FAF1: variants seen among roughly 807,000 people sequenced by gnomAD.
The protein encoded by FAF1 is Fas associated factor 1.
FAF1 carries 25 observed loss-of-function variants against 92.5 expected under a neutral mutation model. The observed-to-expected ratio is 0.27, with a 90% CI of 0.20 to 0.38. The LOEUF (loss-of-function observed/expected upper bound fraction) is 0.38, where lower values mean the gene tolerates loss of function less well. FAF1 is among the 10% of genes least tolerant of loss of function. FAF1 has a pLI of 1.00. For synonymous variants in FAF1, 234 were observed against 273.2 expected (o/e 0.86, Z 1.42); for missense variants, 636 against 793.3 (o/e 0.80, Z 2.38).
At chr1:50,640,167 T>A (rs577715344) in intron 8 of FAF1, among the ~76,000 whole-genome samples, 1 of 152,248 alleles carries the variant, frequency 6.6e-6, no homozygotes, top group African/African-American at 2.4e-5. Flanking sequence ...AATTTTGGTA[T>A]AAATGTAACA....
intron 2 of FAF1, among the ~76,000 whole-genome samples, chr1:50,806,455 C>T (rs531163931): frequency 5.4e-4 from 82 of 152,264 alleles, no homozygotes; most frequent in African/African-American, 1.7e-3. Context: ...AAACATGTGA[C>T]GGAGGCAGCC....
At position 50,860,354 on chromosome 1, in the gene FAF1, CAT is replaced by C. The variant is rs1346112277; in HGVS notation, c.46-2359_46-2358del. Among the ~76,000 whole-genome samples the C allele has an allele frequency of 9.5e-4, 144 of 151,932 alleles. 4 individuals carry two copies. The highest frequency in any genetic ancestry group is 1.3e-4 in the Non-Finnish European group (9 of 67,882). ...TAGGATAAAATATTCACAAACTACA[CAT>C]GTGACAAGATCTAATATCCAGAATC... On this transcript the variant is annotated intron_variant, in intron 1 of 18. Transcript: ENST00000396153.
At chr1:50,679,137 C>CA (rs1656309704) in intron 7 of FAF1, among the ~76,000 whole-genome samples, 1 of 152,154 alleles carries the variant, frequency 6.6e-6, no homozygotes, top group African/African-American at 2.4e-5. Context: ...ATCTACCAAA[C>CA]ATGACAATTA....
At chr1:50,790,419 C>T (rs58432198) in intron 3 of FAF1, among the ~76,000 whole-genome samples, 12,697 of 152,228 alleles carry the variant, frequency 0.083, 640 homozygotes, top group Non-Finnish European at 0.12. Context: ...GGATTACAGG[C>T]GTGAGCCACC....
chr1:50,746,280 ATATATATATATATTTTTTTT>A (rs1659606045), intron 4 of FAF1, among the ~76,000 whole-genome samples: 2 of 18,868 alleles, frequency 1.1e-4, no homozygotes, highest in African/African-American at 2.7e-4. Context: ...ATATATATAT[ATATATATATATATTTTTTTT>A]TTTTTTTTTT....
chr1:50,936,442 G>C (rs1645085883), intron 1 of FAF1, among the ~76,000 whole-genome samples: 2 of 152,190 alleles, frequency 1.3e-5, no homozygotes, highest in South Asian at 2.1e-4. Flanking sequence ...TATGAAGACA[G>C]AGTCAGGCAA....
intron 5 of FAF1, among the ~76,000 whole-genome samples, 182 bp downstream of exon 5, chr1:50,744,502 T>C (rs1172152169): frequency 1.3e-5 from 2 of 152,244 alleles, no homozygotes; most frequent in Non-Finnish European, 2.9e-5. Flanking sequence ...ACAATTGTTA[T>C]TGGTTTATCA....
chr1:50,446,632 T>C (rs920508890), intron 18 of FAF1, among the ~76,000 whole-genome samples: 4 of 152,344 alleles, frequency 2.6e-5, no homozygotes, highest in Middle Eastern at 3.4e-3. Flanking sequence ...TAGCCCTTCA[T>C]AGTTTGTAAC....
At chr1:50,703,133 T>G (rs1657541389) in intron 7 of FAF1, among the ~76,000 whole-genome samples, 4 of 152,102 alleles carry the variant, frequency 2.6e-5, no homozygotes, top group Admixed American at 2.6e-4. Context: ...TGAAAAGAAA[T>G]TCCTGAAACT....
Position 50,519,457 on chromosome 1 carries a change from GGGAA to G in FAF1, c.1494+15908_1494+15911del, listed in dbSNP as rs568388948. 6.1e-3 allele frequency among the ~76,000 whole-genome samples: 903 copies of G among 146,858 alleles called. 8 individuals carry two copies. The highest frequency in any genetic ancestry group is 7.4e-3 in the African/African-American group (295 of 39,668). Reference sequence around the variant, plus strand: ...GAAGGAAGGAGGAGGGAAGGAGGGAGGGAAGGAAGGAAGGAAGGAAGGAAAGAAA... The same window carrying G: ...GAAGGAAGGAGGAGGGAAGGAGGGAGGGAAGGAAGGAAGGAAGGAAAGAAA... On this transcript the variant is annotated intron_variant, in intron 15 of 18. Transcript: ENST00000396153.
At chr1:50,828,559 G>A (rs931160687) in intron 2 of FAF1, among the ~76,000 whole-genome samples, 3 of 152,092 alleles carry the variant, frequency 2.0e-5, no homozygotes, top group East Asian at 3.8e-4. Flanking sequence ...CTGAGCCACC[G>A]CGCCCGGCCA....
rs545393259 is a variant in FAF1, at chr1:50,928,346, G to A, written c.45+31421C>T. ...CTCTTGAGTATATGGAGAAAAGAAC[G>A]TCAAGAATCTATACCTTTGTTTAAA... On this transcript the variant is annotated intron_variant, in intron 1 of 18. Transcript: ENST00000396153. 1.1e-4 allele frequency among the ~76,000 whole-genome samples: 17 copies of A among 152,298 alleles called. No homozygotes were observed. The South Asian group carries it at 2.5e-3, about 22-fold the overall frequency.
intron 12 of FAF1, among the ~76,000 whole-genome samples, chr1:50,581,354 T>C (rs1222831934): frequency 6.6e-6 from 1 of 152,196 alleles, no homozygotes; most frequent in African/African-American, 2.4e-5. Flanking sequence ...GAATTTAACA[T>C]ACTCTAGAAA....
At chr1:50,597,750 A>C (rs937587079) in intron 8 of FAF1, among the ~76,000 whole-genome samples, 6 of 152,202 alleles carry the variant, frequency 3.9e-5, no homozygotes, top group Non-Finnish European at 2.9e-5. Flanking sequence ...TCAATGATTG[A>C]AATATAAGGA....
chr1:50,611,305 C>CAGAAAATTATCATT (rs1553121057), intron 8 of FAF1, among the ~76,000 whole-genome samples: 2 of 151,982 alleles, frequency 1.3e-5, no homozygotes, highest in Non-Finnish European at 2.9e-5. Context: ...ACTTACAAAC[C>CAGAAAATTATCATT]AGAAAATTAT....
At chr1:50,939,602 A>G (rs1041083683) in intron 1 of FAF1, among the ~76,000 whole-genome samples, 1 of 150,592 alleles carries the variant, frequency 6.6e-6, no homozygotes, top group Non-Finnish European at 1.5e-5. Flanking sequence ...ATCTTGTCCC[A>G]GTTCTCAAGG....
chr1:50,637,800 T>G (rs909159593), intron 8 of FAF1, among the ~76,000 whole-genome samples: 1 of 151,772 alleles, frequency 6.6e-6, no homozygotes, highest in African/African-American at 2.4e-5. Flanking sequence ...TATAAGCTTT[T>G]AGTGTCCTCT....
chr1:50,910,945 G>A lies in FAF1; in HGVS notation c.45+48822C>T, dbSNP rs11205790. Among the ~76,000 whole-genome samples the A allele has an allele frequency of 1.0e-2, 1,517 of 152,152 alleles. 24 individuals are homozygous for A. Among genetic ancestry groups the A allele is most frequent in the African/African-American group, 0.035 (1,433 of 41,516 alleles). On this transcript the variant is annotated intron_variant, in intron 1 of 18. Coordinates refer to ENST00000396153, the MANE Select transcript of FAF1 (RefSeq NM_007051.3). Reference sequence around the variant, plus strand: ...TCTGTTGGAAATGCAGAAATCACCCGTCTTCTGCATTGCTCACACTGGGAG... The same window carrying A: ...TCTGTTGGAAATGCAGAAATCACCCATCTTCTGCATTGCTCACACTGGGAG...
chr1:50,867,324 G>A (rs549043597), intron 1 of FAF1, among the ~76,000 whole-genome samples: 223 of 152,102 alleles, frequency 1.5e-3, no homozygotes, highest in African/African-American at 5.2e-3. Context: ...CAAAATCCAA[G>A]ATAAATAGAT....
Sources: allele counts gnomAD v4.1 joint callset (sites outside exome capture counted in the v4.1 genomes callset), GRCh38; gene constraint gnomAD v4.1.1; transcripts MANE v1.5; gene names NCBI Gene and HGNC (gene_info 2026-07-23, HGNC 2026-07-21).